ARFGAP3: variants seen among roughly 807,000 people sequenced by gnomAD.
The protein encoded by ARFGAP3 is ADP-ribosylation factor GTPase-activating protein 3.
A neutral mutation model predicts 75.0 loss-of-function variants in ARFGAP3; 72 were observed. That is an observed-to-expected ratio of 0.96 (90% CI 0.79 to 1.17). The LOEUF (loss-of-function observed/expected upper bound fraction) is 1.17, where lower values mean the gene tolerates loss of function less well. Among genes scored for constraint, ARFGAP3 ranks in the 50% most tolerant of loss-of-function variants. The pLI, the probability that ARFGAP3 is intolerant of heterozygous loss-of-function variation, is 0.00. For synonymous variants in ARFGAP3, 221 were observed against 217.9 expected (o/e 1.01, Z -0.13); for missense variants, 620 against 626.6 (o/e 0.99, Z 0.11).
At chr22:42,827,355 CTTGTT>C (rs1169928314) in intron 6 of ARFGAP3, among the ~76,000 whole-genome samples, 8 of 152,064 alleles carry the variant, frequency 5.3e-5, no homozygotes, top group East Asian at 1.9e-4. Context: ...TGTGGAAATC[CTTGTT>C]TTGTTTTGTT....
intron 11 of ARFGAP3, among the ~76,000 whole-genome samples, chr22:42,812,448 G>A (rs569607706): frequency 5.3e-4 from 81 of 152,228 alleles, no homozygotes; most frequent in South Asian, 5.0e-3. Context: ...AGTAAGGACA[G>A]GAAGCACACT....
At chr22:42,821,612 T>C (rs1366217521) in intron 9 of ARFGAP3, among the ~76,000 whole-genome samples, 1 of 152,254 alleles carries the variant, frequency 6.6e-6, no homozygotes, top group Non-Finnish European at 1.5e-5. Flanking sequence ...CCACATTTTC[T>C]TTCTCATTTA....
chr22:42,808,929 G>A lies in ARFGAP3; in HGVS notation c.1197-39C>T, dbSNP rs755277547. On this transcript the variant is annotated intron_variant, in intron 12 of 15. Transcript: ENST00000263245. ...CAGCCAAATTAGGTTAAACTAATTTGAGGTGAAGCAAATGTGTTTCATACT... is the reference window on the plus strand; with the variant it reads ...CAGCCAAATTAGGTTAAACTAATTTAAGGTGAAGCAAATGTGTTTCATACT... 6.5e-6 allele frequency: 10 copies of A among 1,535,868 alleles called. No homozygotes were observed. In the South Asian group the frequency reaches 7.6e-5, roughly 12 times the overall value.
At chr22:42,847,166 TTTC>T (rs1257186585) in intron 2 of ARFGAP3, 3 of 179,304 alleles carry the variant, frequency 1.7e-5, no homozygotes, top group South Asian at 8.6e-5. Flanking sequence ...CATTTCTTTC[TTTC>T]TTTTTTTTTT....
rs117647980 is a variant in ARFGAP3, at chr22:42,836,815, T to C, written c.262-1322A>G. Among the ~76,000 whole-genome samples the C allele has an allele frequency of 4.1e-3, 630 of 152,312 alleles. 2 individuals carry two copies. Among genetic ancestry groups the C allele is most frequent in the Non-Finnish European group, 7.3e-3 (498 of 68,032 alleles). ...CATAGCAACACTATCAGACAGTCAC[T>C]ACTGCTGTCTACACTTTACAGATGG... On this transcript the variant is annotated intron_variant, in intron 3 of 15. Transcript: ENST00000263245.
At position 42,857,188 on chromosome 22, in the gene ARFGAP3, G is replaced by A. The variant is rs1292862845; in HGVS notation, c.-6C>T. ...TGCTTGCTGGGGTCCCCCATCGTCA[G>A]CTGTGAGCCGCGGCGCAGCTGGCCC... On this transcript the variant is annotated 5_prime_UTR_variant, in exon 1 of 16. Coordinates refer to ENST00000263245, the MANE Select transcript of ARFGAP3 (RefSeq NM_014570.5). The A allele has an allele frequency of 2.0e-6, 3 of 1,510,140 alleles. No individual in the cohort carries two copies. Among genetic ancestry groups the A allele is most frequent in the Admixed American group, 4.3e-5 (2 of 46,894 alleles). The allele number at this position is 1,510,140 out of a possible 1,614,324, so 93.5% of individuals were successfully genotyped here.
In ARFGAP3 at chr22:42,834,311, A is replaced by C; in HGVS notation, c.408T>G (p.Ser136Arg). 6.2e-7 allele frequency: 1 copy of C among 1,613,720 alleles called. No individual in the cohort carries two copies. The highest frequency in any genetic ancestry group is 8.5e-7 in the Non-Finnish European group (1 of 1,179,944). The part of the protein sequence containing the change: ...RKHGTDLWLD[S>R]CVVPPLSPPP... ...GAGGGGACAAAGGTGGAACCACACAACTATCAAGCCACAGCTAGAACAAAA... is the reference window on the plus strand; with the variant it reads ...GAGGGGACAAAGGTGGAACCACACACCTATCAAGCCACAGCTAGAACAAAA... Residue 136 changes from serine to arginine, a missense_variant, in exon 5 of 16, where the codon AGT becomes AGG. Ser to Arg is a moderately radical substitution (Grantham distance 110). Transcript: ENST00000263245.
chr22:42,830,221 G>C (rs1440062474), intron 6 of ARFGAP3, among the ~76,000 whole-genome samples: 1 of 152,014 alleles, frequency 6.6e-6, no homozygotes, highest in African/African-American at 2.4e-5. Context: ...AGGCTTAAGA[G>C]ATCTGCCTGC....
intron 6 of ARFGAP3, among the ~76,000 whole-genome samples, chr22:42,830,400 T>C (rs1247498526): frequency 6.6e-6 from 1 of 152,196 alleles, no homozygotes; most frequent in Non-Finnish European, 1.5e-5. Flanking sequence ...GCAAAATCCT[T>C]GCCAGAAATT....
At chr22:42,813,635 C>T (rs924042697) in intron 11 of ARFGAP3, among the ~76,000 whole-genome samples, 3 of 152,212 alleles carry the variant, frequency 2.0e-5, no homozygotes, top group Non-Finnish European at 2.9e-5. Flanking sequence ...AGGCAGCAGT[C>T]CATGCGTGGG....
At chr22:42,820,478 G>A (rs1232884296) in intron 9 of ARFGAP3, among the ~76,000 whole-genome samples, 1 of 152,202 alleles carries the variant, frequency 6.6e-6, no homozygotes, top group Non-Finnish European at 1.5e-5. Context: ...CAGTAAGACA[G>A]TACGAAAAGT....
Position 42,808,766 on chromosome 22 carries a change from C to A in ARFGAP3, c.1320+1G>T. ...CCCAAAGAAACTCTCTGGACCCTTA[C>A]ATCAGCCTGGGATTGTCTTCCAAAA... On this transcript the variant is annotated splice_donor_variant, in intron 13 of 15. Coordinates refer to ENST00000263245, the MANE Select transcript of ARFGAP3 (RefSeq NM_014570.5). LOFTEE classifies it high-confidence loss of function. 6.2e-7 allele frequency: 1 copy of A among 1,609,520 alleles called. No homozygotes were observed. The highest frequency in any genetic ancestry group is 8.5e-7 in the Non-Finnish European group (1 of 1,177,254).
chr22:42,851,414 C>G (rs187447349), intron 1 of ARFGAP3, among the ~76,000 whole-genome samples: 1 of 152,236 alleles, frequency 6.6e-6, no homozygotes, highest in Non-Finnish European at 1.5e-5. Context: ...ATCCTCCGGA[C>G]CCATCACCTA....
chr22:42,831,529 G>A lies in ARFGAP3; in HGVS notation c.565+20C>T. On this transcript the variant is annotated intron_variant, in intron 6 of 15. Transcript: ENST00000263245. ...ACTGAACCATAGAATAGTATTACAT[G>A]ACAGTTCTAAGGACTCCACCTTCAT... 1 of 1,605,324 alleles carries A rather than the reference G, an allele frequency of 6.2e-7. No homozygotes were observed. The highest frequency in any genetic ancestry group is 8.5e-7 in the Non-Finnish European group (1 of 1,173,074).
At chr22:42,821,856 T>G (rs1406412198) in intron 9 of ARFGAP3, among the ~76,000 whole-genome samples, 1 of 152,216 alleles carries the variant, frequency 6.6e-6, no homozygotes, top group East Asian at 1.9e-4. Flanking sequence ...CCATCAGCAA[T>G]GTACAAGGGT....
At chr22:42,798,272 G>T (rs1482055673) in intron 15 of ARFGAP3, among the ~76,000 whole-genome samples, 1 of 151,454 alleles carries the variant, frequency 6.6e-6, no homozygotes, top group Non-Finnish European at 1.5e-5. Flanking sequence ...CTCCGGAATG[G>T]GTGCACCTCC....
chr22:42,823,573 GAATA>G, intron 8 of ARFGAP3, 79 bp downstream of exon 8: 1 of 1,030,376 alleles, frequency 9.7e-7, no homozygotes, highest in Non-Finnish European at 1.4e-6. Flanking sequence ...TGGTTCAAAA[GAATA>G]AAACTAAAAT....
chr22:42,802,182 G>A (rs1277195378), intron 14 of ARFGAP3, among the ~76,000 whole-genome samples: 2 of 152,072 alleles, frequency 1.3e-5, no homozygotes, highest in Non-Finnish European at 2.9e-5. Flanking sequence ...TTGTGGCCAC[G>A]TTTCAGGTCT....
intron 15 of ARFGAP3, 80 bp downstream of exon 15, chr22:42,798,959 G>T: frequency 8.5e-7 from 1 of 1,181,394 alleles, no homozygotes; most frequent in Non-Finnish European, 1.3e-6. Context: ...TTTTCCAGCA[G>T]TTGAAGATTG....
Sources: allele counts gnomAD v4.1 joint callset (sites outside exome capture counted in the v4.1 genomes callset), GRCh38; gene constraint gnomAD v4.1.1; transcripts MANE v1.5; gene names NCBI Gene and HGNC (gene_info 2026-07-23, HGNC 2026-07-21).